LNX2: variants seen among roughly 807,000 people sequenced by gnomAD.
LNX2 encodes ligand of Numb protein X 2.
Under a neutral mutation model 66.2 loss-of-function variants are expected in LNX2, and 35 were observed. The ratio of observed to expected loss-of-function variants is 0.53; its 90% CI spans 0.40 to 0.70. The LOEUF is 0.70. Among genes scored for constraint, LNX2 ranks in the 30% least tolerant of loss-of-function variants. LNX2 has a pLI of 0.00. For missense variants in LNX2, 791 were observed against 850.8 expected (o/e 0.93, Z 0.87); for synonymous variants, 337 against 315.6 (o/e 1.07, Z -0.72).
At chr13:27,554,311 T>C (rs1367987602) in intron 7 of LNX2, among the ~76,000 whole-genome samples, 2 of 152,198 alleles carry the variant, frequency 1.3e-5, no homozygotes, top group Non-Finnish European at 2.9e-5. Context: ...TTAAAGAACA[T>C]AATTTTATGG....
intron 1 of LNX2, among the ~76,000 whole-genome samples, chr13:27,588,547 T>C (rs1320237680): frequency 1.3e-5 from 2 of 152,200 alleles, no homozygotes. Flanking sequence ...CACAAGGGGT[T>C]ATGTGACAAC....
intron 2 of LNX2, among the ~76,000 whole-genome samples, chr13:27,575,032 T>C (rs570115648): frequency 6.6e-6 from 1 of 152,194 alleles, no homozygotes; most frequent in Admixed American, 6.5e-5. Flanking sequence ...AAAATGTTTG[T>C]TGGTAGCATG....
chr13:27,547,660 T>C lies in LNX2; in HGVS notation c.*675A>G, dbSNP rs1361319863. On this transcript the variant is annotated 3_prime_UTR_variant, in exon 10 of 10. Coordinates refer to ENST00000316334, the MANE Select transcript of LNX2 (RefSeq NM_153371.4). ...TCACAAGGTCAGGAGATCGAGACCA[T>C]CCTGGCTAACACGGTGAAACCCCGT... The C allele has an allele frequency of 3.3e-5, 5 of 152,146 alleles. No homozygotes were observed. Among genetic ancestry groups the C allele is most frequent in the African/African-American group, 1.2e-4 (5 of 41,386 alleles). The allele number at this position is 152,146 out of a possible 1,614,324, so 9.4% of individuals were successfully genotyped here.
intron 1 of LNX2, among the ~76,000 whole-genome samples, chr13:27,612,247 C>T (rs1014161058): frequency 6.6e-6 from 1 of 152,166 alleles, no homozygotes; most frequent in African/African-American, 2.4e-5. Flanking sequence ...CTCATTGGGG[C>T]TAACAAGACC....
At chr13:27,610,778 T>C (rs1035857246) in intron 1 of LNX2, among the ~76,000 whole-genome samples, 4 of 151,698 alleles carry the variant, frequency 2.6e-5, no homozygotes, top group African/African-American at 9.7e-5. Context: ...ATCTCAACAA[T>C]AAGAACAAAA....
intron 1 of LNX2, among the ~76,000 whole-genome samples, chr13:27,602,497 T>C (rs1361353627): frequency 3.9e-5 from 6 of 151,912 alleles, no homozygotes; most frequent in Non-Finnish European, 7.4e-5. Flanking sequence ...GCATACAGCT[T>C]CTCTTACTCA....
intron 1 of LNX2, among the ~76,000 whole-genome samples, chr13:27,590,171 T>C (rs904071278): frequency 6.6e-6 from 1 of 152,110 alleles, no homozygotes; most frequent in Non-Finnish European, 1.5e-5. Context: ...AGGTTTCACA[T>C]GTTAGCCAAA....
intron 2 of LNX2, among the ~76,000 whole-genome samples, chr13:27,580,298 A>T (rs1169526841): frequency 6.6e-6 from 1 of 152,034 alleles, no homozygotes; most frequent in East Asian, 1.9e-4. Context: ...TTATTCATAA[A>T]ATGAGGGGGA....
At chr13:27,609,999 C>G (rs1374850495) in intron 1 of LNX2, among the ~76,000 whole-genome samples, 1 of 152,152 alleles carries the variant, frequency 6.6e-6, no homozygotes, top group African/African-American at 2.4e-5. Context: ...TACATCTCAT[C>G]TATAATAAAA....
rs1459548855 is a variant in LNX2, at chr13:27,583,263, T to A, written c.-100-1460A>T. 2.0e-3 allele frequency among the ~76,000 whole-genome samples: 37 copies of A among 18,076 alleles called. 1 individual carries two copies. The highest frequency in any genetic ancestry group is 0.013 in the South Asian group (6 of 450). The allele number at this position is 18,076 out of a possible 152,430, so 11.9% of individuals were successfully genotyped here. ...GTGTGTGTGTGTGTGTGTGCGCGCG[T>A]CCTCTCCAACATACTTATTTTTAAG... On this transcript the variant is annotated intron_variant, in intron 1 of 9. Coordinates refer to ENST00000316334, the MANE Select transcript of LNX2 (RefSeq NM_153371.4).
At chr13:27,610,775 CAAT>C (rs751398316) in intron 1 of LNX2, among the ~76,000 whole-genome samples, 3 of 152,046 alleles carry the variant, frequency 2.0e-5, no homozygotes, top group African/African-American at 7.2e-5. Context: ...TACATCTCAA[CAAT>C]AAGAACAAAA....
At position 27,562,520 on chromosome 13, in the gene LNX2, C is replaced by A. The variant is rs775234587; in HGVS notation, c.1117G>T (p.Gly373Trp). 1 of 1,614,170 alleles carries A rather than the reference C, an allele frequency of 6.2e-7. No individual in the cohort carries two copies. Among genetic ancestry groups the A allele is most frequent in the Non-Finnish European group, 8.5e-7 (1 of 1,180,014 alleles). Residue 373 changes from glycine (G) to tryptophan (W), a missense_variant, in exon 5 of 10, where the codon GGG (glycine) becomes TGG (tryptophan). Gly to Trp is a radical substitution (Grantham distance 184). Coordinates refer to ENST00000316334, the MANE Select transcript of LNX2 (RefSeq NM_153371.4). ...AGCCTGCCGTCCTGGGCAGCCAACC[C>A]CCCTTCCAACAGGTCAAGAATAAAA... ...GVFILDLLEG[G>W]LAAQDGRLSS...
At chr13:27,551,941 G>T (rs576877165) in intron 8 of LNX2, among the ~76,000 whole-genome samples, 2 of 152,060 alleles carry the variant, frequency 1.3e-5, no homozygotes, top group African/African-American at 4.8e-5. Context: ...TGCATATAGG[G>T]GCCACCTGCA....
intron 8 of LNX2, 24 bp from the exon 9 acceptor site, chr13:27,550,515 G>T: frequency 6.4e-7 from 1 of 1,566,458 alleles, no homozygotes. Context: ...GAAAAATAAA[G>T]AAAAAATTAA....
chr13:27,572,050 TTC>T lies in LNX2; in HGVS notation c.408-2776_408-2775del, dbSNP rs1268392768. ...AGATCTAATTTCAAAGGCTTCTAGC[TTC>T]TGTTCTTTCCAGTGTATCATACTAA... is the stretch of plus-strand genomic sequence containing the variant. On this transcript the variant is annotated intron_variant, in intron 2 of 9. Coordinates refer to ENST00000316334, the MANE Select transcript of LNX2 (RefSeq NM_153371.4). Among the ~76,000 whole-genome samples, 3 of 152,222 alleles carry T rather than the reference TTC, an allele frequency of 2.0e-5. No homozygotes were observed. In the East Asian group the frequency reaches 5.8e-4, roughly 29 times the overall value.
In LNX2 at chr13:27,547,915, A is replaced by G. The variant is rs1026038863; in HGVS notation, c.*420T>C. 1 of 168,138 alleles carries G rather than the reference A, an allele frequency of 5.9e-6. No homozygotes were observed. Among genetic ancestry groups the G allele is most frequent in the African/African-American group, 2.4e-5 (1 of 41,778 alleles). 10.4% of individuals were successfully genotyped at this position (168,138 alleles called of 1,614,324 possible). A position where few individuals can be genotyped will look rare whatever the true frequency, so the allele number is the denominator to read the frequency against. On this transcript the variant is annotated 3_prime_UTR_variant, in exon 10 of 10. Coordinates refer to ENST00000316334, the MANE Select transcript of LNX2 (RefSeq NM_153371.4). Reference sequence around the variant, plus strand: ...AGTATATTCATTCATGGTATTGGTTATGACAGTGGCAGTACACGCTGTTGT... The same window carrying G: ...AGTATATTCATTCATGGTATTGGTTGTGACAGTGGCAGTACACGCTGTTGT...
intron 1 of LNX2, among the ~76,000 whole-genome samples, chr13:27,592,731 G>C (rs1251425872): frequency 4.6e-5 from 7 of 152,198 alleles, no homozygotes; most frequent in Admixed American, 2.0e-4. Context: ...CCAGGCAGAG[G>C]AGGAGTGTCC....
rs1334613995 is a variant in LNX2, at chr13:27,562,793, G to A, written c.856-12C>T. 1 of 1,592,452 alleles carries A rather than the reference G, an allele frequency of 6.3e-7. No individual in the cohort carries two copies. The highest frequency in any genetic ancestry group is 2.2e-5 in the East Asian group (1 of 44,514). ...TTGTAGTTGTTGACCTAGAAAAAAA[G>A]AATTGTGACCGAAGTGTGACAACCT... On this transcript the variant is annotated splice_polypyrimidine_tract_variant and intron_variant, in intron 4 of 9. Coordinates refer to ENST00000316334, the MANE Select transcript of LNX2 (RefSeq NM_153371.4).
chr13:27,603,060 C>A (rs1269703949), intron 1 of LNX2, among the ~76,000 whole-genome samples: 2 of 152,094 alleles, frequency 1.3e-5, no homozygotes, highest in East Asian at 3.9e-4. Flanking sequence ...TCATTCAGTG[C>A]CTCATGAAAT....
Sources: allele counts gnomAD v4.1 joint callset (sites outside exome capture counted in the v4.1 genomes callset), GRCh38; gene constraint gnomAD v4.1.1; transcripts MANE v1.5; gene names NCBI Gene and HGNC (gene_info 2026-07-23, HGNC 2026-07-21).